The following KCND3 variants were observed in gnomAD, a reference collection of about 807,000 sequenced individuals.
KCND3 encodes A-type voltage-gated potassium channel KCND3.
Under a neutral mutation model 51.1 loss-of-function variants are expected in KCND3, and 9 were observed. That is an observed-to-expected ratio of 0.18 (90% CI 0.11 to 0.31). The LOEUF (loss-of-function observed/expected upper bound fraction) is 0.31. Ranked by LOEUF, KCND3 falls within the 10% of genes least tolerant of loss-of-function variation. KCND3 has a pLI of 1.00. For synonymous variants in KCND3, 349 were observed against 368.0 expected (o/e 0.95, Z 0.59); for missense variants, 526 against 903.8 (o/e 0.58, Z 5.36).
intron 2 of KCND3, among the ~76,000 whole-genome samples, chr1:111,845,913 C>T (rs1466021601): frequency 2.0e-5 from 3 of 152,074 alleles, no homozygotes; most frequent in Non-Finnish European, 2.9e-5. Context: ...ATTGCTGTCC[C>T]CCTGCACCAC....
intron 2 of KCND3, among the ~76,000 whole-genome samples, chr1:111,891,091 A>G (rs1379700421): frequency 6.6e-6 from 1 of 152,204 alleles, no homozygotes; most frequent in Non-Finnish European, 1.5e-5. Flanking sequence ...CTTACTAGCC[A>G]TGTGACTGTA....
chr1:111,867,599 G>A (rs817976), intron 2 of KCND3, among the ~76,000 whole-genome samples: 24,000 of 152,008 alleles, frequency 0.16, 2,430 homozygotes, highest in East Asian at 0.4. Context: ...CTCAACAGGA[G>A]CTCTTTTGGT....
intron 2 of KCND3, among the ~76,000 whole-genome samples, chr1:111,802,640 G>T (rs1665369221): frequency 6.6e-6 from 1 of 152,200 alleles, no homozygotes; most frequent in African/African-American, 2.4e-5. Context: ...CCCACCAGAT[G>T]GTAAGCTGCA....
At chr1:111,849,341 G>A (rs2101659714) in intron 2 of KCND3, among the ~76,000 whole-genome samples, 1 of 152,358 alleles carries the variant, frequency 6.6e-6, no homozygotes, top group Admixed American at 6.5e-5. Flanking sequence ...CAGCCTCCGG[G>A]AAGCAGCAAG....
intron 2 of KCND3, among the ~76,000 whole-genome samples, chr1:111,937,626 G>A (rs1672286245): frequency 6.6e-6 from 1 of 152,202 alleles, no homozygotes. Flanking sequence ...GTGTAAGACA[G>A]GCAGGCATAA....
intron 2 of KCND3, among the ~76,000 whole-genome samples, chr1:111,963,557 C>T (rs1673788620): frequency 1.3e-5 from 2 of 152,224 alleles, no homozygotes; most frequent in African/African-American, 2.4e-5. Flanking sequence ...ACCTGGTCCA[C>T]CGTATGAGGA....
At chr1:111,960,132 C>T (rs1417295402) in intron 2 of KCND3, among the ~76,000 whole-genome samples, 1 of 152,110 alleles carries the variant, frequency 6.6e-6, no homozygotes, top group Admixed American at 6.5e-5. Flanking sequence ...GTCAATTAAA[C>T]CTCTTTTCTT....
intron 2 of KCND3, among the ~76,000 whole-genome samples, chr1:111,849,443 A>G (rs953001091): frequency 3.9e-5 from 6 of 152,200 alleles, no homozygotes; most frequent in Non-Finnish European, 7.4e-5. Flanking sequence ...CTTGCTCCCA[A>G]GGACTCAAGG....
chr1:111,836,735 C>T (rs1174047821), intron 2 of KCND3, among the ~76,000 whole-genome samples: 1 of 107,448 alleles, frequency 9.3e-6, no homozygotes, highest in Non-Finnish European at 2.1e-5. Context: ...CCCAGCGACC[C>T]CTGAGCCATT....
intron 2 of KCND3, among the ~76,000 whole-genome samples, chr1:111,815,667 G>A (rs533951777): frequency 3.5e-4 from 53 of 151,404 alleles, no homozygotes; most frequent in Admixed American, 9.9e-4. Flanking sequence ...CTATAAATTC[G>A]CACTTCTTGT....
chr1:111,928,179 C>T (rs562441401), intron 2 of KCND3, among the ~76,000 whole-genome samples: 147 of 152,296 alleles, frequency 9.7e-4, no homozygotes, highest in African/African-American at 3.2e-3. Context: ...TTCTACTTTG[C>T]TCACTGCTGT....
chr1:111,882,549 G>A (rs1342869875), intron 2 of KCND3, among the ~76,000 whole-genome samples: 4 of 152,198 alleles, frequency 2.6e-5, no homozygotes, highest in African/African-American at 7.2e-5. Context: ...AGTGTGCAAC[G>A]GAGTCTCAGG....
intron 2 of KCND3, among the ~76,000 whole-genome samples, chr1:111,944,740 A>G (rs1051990056): frequency 1.3e-5 from 2 of 152,228 alleles, no homozygotes; most frequent in Non-Finnish European, 2.9e-5. Context: ...AACTCAGTAA[A>G]TGTTCTTTTT....
intron 2 of KCND3, among the ~76,000 whole-genome samples, chr1:111,913,147 T>A (rs1367918961): frequency 6.6e-6 from 1 of 152,222 alleles, no homozygotes; most frequent in Non-Finnish European, 1.5e-5. Context: ...CTTTTCTATG[T>A]TTAGATACAC....
At chr1:111,902,239 G>T (rs1034948394) in intron 2 of KCND3, among the ~76,000 whole-genome samples, 1 of 152,168 alleles carries the variant, frequency 6.6e-6, no homozygotes, top group South Asian at 2.1e-4. Context: ...GGGACACTTT[G>T]TACTGCAAGT....
intron 2 of KCND3, among the ~76,000 whole-genome samples, chr1:111,958,153 A>G (rs528508973): frequency 6.6e-6 from 1 of 152,236 alleles, no homozygotes; most frequent in South Asian, 2.1e-4. Flanking sequence ...TGGCATACAT[A>G]CACACCATGG....
chr1:111,817,739 T>G (rs1330796310), intron 2 of KCND3, among the ~76,000 whole-genome samples: 2 of 152,154 alleles, frequency 1.3e-5, no homozygotes, highest in African/African-American at 2.4e-5. Context: ...ATCACCACAC[T>G]GCATGAGTGA....
At chr1:111,917,098 T>C (rs962845358) in intron 2 of KCND3, among the ~76,000 whole-genome samples, 1 of 152,230 alleles carries the variant, frequency 6.6e-6, no homozygotes, top group African/African-American at 2.4e-5. Flanking sequence ...ATGTGATACC[T>C]ATTTATGACT....
At position 111,933,455 on chromosome 1, in the gene KCND3, C is replaced by G. The variant is rs553335226; in HGVS notation, c.1106+48166G>C. 2.1e-4 allele frequency among the ~76,000 whole-genome samples: 32 copies of G among 152,272 alleles called. 1 individual carries two copies. The South Asian group carries it at 6.6e-3, about 32-fold the overall frequency. ...GGCAGAGTCCAGAGAAAAACTTACCCCTACCATTCCACATTGAGTGTCCTG... is the reference window on the plus strand; with the variant it reads ...GGCAGAGTCCAGAGAAAAACTTACCGCTACCATTCCACATTGAGTGTCCTG... On this transcript the variant is annotated intron_variant, in intron 2 of 7. Coordinates refer to ENST00000302127, the MANE Select transcript of KCND3 (RefSeq NM_001378969.1).
Sources: allele counts gnomAD v4.1 joint callset (sites outside exome capture counted in the v4.1 genomes callset), GRCh38; gene constraint gnomAD v4.1.1; transcripts MANE v1.5; gene names NCBI Gene and HGNC (gene_info 2026-07-23, HGNC 2026-07-21).